KHDRBS2: variants seen among roughly 807,000 people sequenced by gnomAD.
The protein encoded by KHDRBS2 is KH domain-containing, RNA-binding, signal transduction-associated protein 2.
In KHDRBS2, 26 loss-of-function variants were observed where a neutral mutation model predicts 44.3. That is an observed-to-expected ratio of 0.59 (90% CI 0.43 to 0.81). KHDRBS2 has a LOEUF of 0.81. KHDRBS2 is among the 40% of genes least tolerant of loss of function. KHDRBS2 has a pLI of 0.00. For missense variants in KHDRBS2, 476 were observed against 433.1 expected (o/e 1.10, Z -0.88); for synonymous variants, 194 against 151.1 (o/e 1.28, Z -2.08).
chr6:61,875,069 C>G (rs1043706964), intron 6 of KHDRBS2, among the ~76,000 whole-genome samples: 1 of 151,940 alleles, frequency 6.6e-6, no homozygotes, highest in Non-Finnish European at 1.5e-5. Flanking sequence ...CTAAGCATTG[C>G]TTTTTAAGGT....
At chr6:62,196,633 C>A (rs1585154286) in intron 1 of KHDRBS2, among the ~76,000 whole-genome samples, 1 of 152,082 alleles carries the variant, frequency 6.6e-6, no homozygotes, top group Admixed American at 6.6e-5. Flanking sequence ...GTCACACATC[C>A]CCTGCATATA....
intron 1 of KHDRBS2, among the ~76,000 whole-genome samples, chr6:62,249,034 T>G (rs1836092561): frequency 6.6e-6 from 1 of 152,138 alleles, no homozygotes; most frequent in Non-Finnish European, 1.5e-5. Flanking sequence ...GGAAAATGTC[T>G]GTGGAAAAGT....
intron 3 of KHDRBS2, among the ~76,000 whole-genome samples, chr6:61,993,502 C>G (rs1776531126): frequency 6.6e-6 from 1 of 151,384 alleles, no homozygotes; most frequent in African/African-American, 2.4e-5. Context: ...CCAATCTCTT[C>G]TGAGCATATC....
the KHDRBS2 span, among the ~76,000 whole-genome samples, chr6:61,625,401 A>T: frequency 6.7e-6 from 1 of 149,736 alleles, no homozygotes; most frequent in African/African-American, 2.5e-5. Flanking sequence ...TGGCCATGGA[A>T]GTGTACCACG....
intron 6 of KHDRBS2, among the ~76,000 whole-genome samples, chr6:61,740,563 A>G (rs1185829379): frequency 1.3e-5 from 2 of 151,870 alleles, no homozygotes; most frequent in African/African-American, 4.8e-5. Context: ...TTTTCCCACT[A>G]TTTTCTTGAA....
chr6:61,709,263 T>C (rs1301666530), intron 7 of KHDRBS2, among the ~76,000 whole-genome samples: 1 of 151,632 alleles, frequency 6.6e-6, no homozygotes, highest in East Asian at 1.9e-4. Context: ...TCTTAAGTTT[T>C]AGTTGATGGT....
chr6:61,987,307 A>G (rs1182296618), intron 3 of KHDRBS2, among the ~76,000 whole-genome samples: 1 of 152,208 alleles, frequency 6.6e-6, no homozygotes, highest in African/African-American at 2.4e-5. Context: ...AAAAGAGTTA[A>G]ACTTCTAAAA....
intron 2 of KHDRBS2, among the ~76,000 whole-genome samples, chr6:62,052,416 G>GA (rs1384812110): frequency 3.3e-5 from 5 of 151,218 alleles, no homozygotes; most frequent in Admixed American, 6.6e-5. Flanking sequence ...TATGGAATCT[G>GA]AAAAAAAATA....
chr6:61,634,769 C>T, the KHDRBS2 span, among the ~76,000 whole-genome samples: 1 of 152,138 alleles, frequency 6.6e-6, no homozygotes. Context: ...ATTTCCATTT[C>T]TGTAGTCACT....
chr6:61,567,981 ATAAGTCTT>A, the KHDRBS2 span, among the ~76,000 whole-genome samples: 2 of 152,100 alleles, frequency 1.3e-5, no homozygotes, highest in Non-Finnish European at 2.9e-5. Context: ...TGTCTTAAAT[ATAAGTCTT>A]TAATTCATCT....
At chr6:62,113,484 A>AC in intron 2 of KHDRBS2, among the ~76,000 whole-genome samples, 1 of 152,258 alleles carries the variant, frequency 6.6e-6, no homozygotes, top group African/African-American at 2.4e-5. Context: ...AAAAATAAAA[A>AC]ATATTGCTTT....
chr6:61,725,141 A>T (rs1582421251), intron 7 of KHDRBS2, among the ~76,000 whole-genome samples: 1 of 152,208 alleles, frequency 6.6e-6, no homozygotes, highest in African/African-American at 2.4e-5. Flanking sequence ...TGATCTCAAG[A>T]TTAAGAAATT....
At chr6:61,607,800 G>A in the KHDRBS2 span, among the ~76,000 whole-genome samples, 1 of 152,096 alleles carries the variant, frequency 6.6e-6, no homozygotes, top group Non-Finnish European at 1.5e-5. Context: ...CAATTCTCCT[G>A]CCTCAGCCTC....
chr6:62,186,755 A>T (rs1412340041), intron 1 of KHDRBS2, among the ~76,000 whole-genome samples: 2 of 152,092 alleles, frequency 1.3e-5, no homozygotes, highest in Non-Finnish European at 2.9e-5. Flanking sequence ...AGAGTTAAAG[A>T]TTTATTTATT....
At chr6:61,925,725 CAAAAA>C (rs563177938) in intron 4 of KHDRBS2, among the ~76,000 whole-genome samples, 3 of 89,230 alleles carry the variant, frequency 3.4e-5, no homozygotes, top group African/African-American at 1.2e-4. Flanking sequence ...CTCTCTCTCT[CAAAAA>C]AAAAAAAAAA....
chr6:61,687,136 G>C (rs1228013872), intron 8 of KHDRBS2, among the ~76,000 whole-genome samples: 1 of 151,708 alleles, frequency 6.6e-6, no homozygotes, highest in East Asian at 1.9e-4. Context: ...GAGGGTAACA[G>C]AAGAGGGAGA....
intron 2 of KHDRBS2, among the ~76,000 whole-genome samples, chr6:62,060,484 C>T (rs1408118136): frequency 1.3e-5 from 2 of 151,632 alleles, no homozygotes; most frequent in African/African-American, 4.8e-5. Context: ...TGAAATAATT[C>T]ACTGGATTTG....
At chr6:61,554,415 G>T in the KHDRBS2 span, among the ~76,000 whole-genome samples, 71 of 151,898 alleles carry the variant, frequency 4.7e-4, no homozygotes, top group African/African-American at 1.6e-3. Context: ...ATGTGAGATG[G>T]GTCTCTTGAA....
chr6:61,919,191 G>T (rs1807573827), intron 4 of KHDRBS2, among the ~76,000 whole-genome samples: 1 of 151,790 alleles, frequency 6.6e-6, no homozygotes, highest in African/African-American at 2.4e-5. Flanking sequence ...AAAACTGAGG[G>T]CAAGGATTAG....
Sources: gnomAD v4.1 joint callset for allele counts (sites outside exome capture counted in the v4.1 genomes callset) on GRCh38, gnomAD v4.1.1 for gene constraint, MANE v1.5 for transcripts, NCBI Gene and HGNC (gene_info 2026-07-23, HGNC 2026-07-21) for gene names.